Variants in DCAF6 observed in about 807,000 individuals in gnomAD.
DCAF6 encodes the protein DDB1 and CUL4 associated factor 6.
In DCAF6, 54 loss-of-function variants were observed where a neutral mutation model predicts 125.1. The observed-to-expected ratio is 0.43, with a 90% CI of 0.35 to 0.54. DCAF6 has a LOEUF of 0.54. DCAF6 is among the 20% of genes least tolerant of loss of function. The pLI, the probability that DCAF6 is intolerant of heterozygous loss-of-function variation, is 0.01. For synonymous variants in DCAF6, 371 were observed against 390.4 expected, an observed-to-expected ratio of 0.95 and a Z score of 0.58; for missense variants, 934 against 1,161.7, an observed-to-expected ratio of 0.80 and a Z score of 2.85.
intron 10 of DCAF6, among the ~76,000 whole-genome samples, chr1:168,007,131 T>C (rs1222500984): frequency 6.6e-6 from 1 of 152,226 alleles, no homozygotes; most frequent in Non-Finnish European, 1.5e-5. Context: ...GTACTCGTTT[T>C]CCTACTGTCA....
chr1:167,891,435 T>A, the DCAF6 span, among the ~76,000 whole-genome samples: 1 of 151,274 alleles, frequency 6.6e-6, no homozygotes, highest in African/African-American at 2.4e-5. Flanking sequence ...GGCGGGAAGA[T>A]CACGAGGTCA....
At chr1:167,933,132 G>A (rs2102560202), upstream of DCAF6, among the ~76,000 whole-genome samples, 1 of 150,712 alleles carries the variant, frequency 6.6e-6, no homozygotes, top group Non-Finnish European at 1.5e-5. Flanking sequence ...ATGCAATACT[G>A]TAACTAAAAT....
At chr1:167,960,153 C>T (rs1222060908) in intron 2 of DCAF6, among the ~76,000 whole-genome samples, 1 of 151,992 alleles carries the variant, frequency 6.6e-6, no homozygotes, top group Non-Finnish European at 1.5e-5. Context: ...GACTTTACTC[C>T]TTTGTCAAAG....
chr1:168,068,261 T>G (rs1692594285), intron 20 of DCAF6, 97 bp from the exon 21 acceptor site: 1 of 750,476 alleles, frequency 1.3e-6, no homozygotes, highest in Admixed American at 2.2e-5. Flanking sequence ...AAGTAATTCC[T>G]CCTGGTACTG....
chr1:167,999,464 A>G (rs1209550209), intron 7 of DCAF6, among the ~76,000 whole-genome samples: 1 of 152,162 alleles, frequency 6.6e-6, no homozygotes, highest in African/African-American at 2.4e-5. Context: ...TAGCTGTGAA[A>G]GTCCTAAATG....
At chr1:168,055,322 C>A in intron 17 of DCAF6, among the ~76,000 whole-genome samples, 1 of 42,364 alleles carries the variant, frequency 2.4e-5, no homozygotes. Context: ...TGAAAAAAAT[C>A]AGGCTTAAGT....
chr1:167,935,944 G>A, upstream of DCAF6: 1 of 872,590 alleles, frequency 1.1e-6, no homozygotes, highest in Non-Finnish European at 1.8e-6. Flanking sequence ...ACGACGACTC[G>A]CGTCCGCCTC....
chr1:168,072,328 A>T (rs976232038), intron 21 of DCAF6, among the ~76,000 whole-genome samples: 9 of 149,338 alleles, frequency 6.0e-5, no homozygotes, highest in Non-Finnish European at 1.3e-4. Flanking sequence ...AAAAAAAAGA[A>T]AAGAAAAGTC....
the DCAF6 span, chr1:167,880,273 T>C: frequency 7.9e-7 from 1 of 1,269,826 alleles, no homozygotes. Context: ...GGAAATAATG[T>C]CTGGGTTGGG....
At chr1:167,957,830 G>A (rs981170901) in intron 2 of DCAF6, among the ~76,000 whole-genome samples, 1 of 152,064 alleles carries the variant, frequency 6.6e-6, no homozygotes, top group Non-Finnish European at 1.5e-5. Flanking sequence ...AATCATCCTA[G>A]TGGATGTGAA....
intron 2 of DCAF6, among the ~76,000 whole-genome samples, chr1:167,964,976 T>G (rs920924815): frequency 6.6e-6 from 1 of 152,228 alleles, no homozygotes; most frequent in Non-Finnish European, 1.5e-5. Flanking sequence ...ACTCTTAGCA[T>G]GCTAATCATA....
the DCAF6 span, among the ~76,000 whole-genome samples, chr1:167,910,690 G>A: frequency 2.6e-3 from 395 of 152,328 alleles, no homozygotes; most frequent in Non-Finnish European, 4.8e-3. Flanking sequence ...TAAACAGTAT[G>A]TTCCGTAGGC....
intron 10 of DCAF6, among the ~76,000 whole-genome samples, chr1:168,008,158 T>TG (rs917218308): frequency 4.0e-4 from 60 of 151,814 alleles, no homozygotes; most frequent in African/African-American, 1.4e-3. Flanking sequence ...TTAGTAGAGA[T>TG]GGGGTTCCCC....
intron 16 of DCAF6, among the ~76,000 whole-genome samples, chr1:168,050,227 A>C (rs1243802170): frequency 3.9e-5 from 6 of 152,104 alleles, no homozygotes; most frequent in African/African-American, 7.2e-5. Flanking sequence ...TGTTATTTTC[A>C]TAGAAATTTG....
At chr1:167,867,378 G>C in the DCAF6 span, among the ~76,000 whole-genome samples, 1 of 152,142 alleles carries the variant, frequency 6.6e-6, no homozygotes, top group African/African-American at 2.4e-5. Context: ...ATTTGGACTT[G>C]TACAGTAAGG....
chr1:167,928,297 G>A, the DCAF6 span, among the ~76,000 whole-genome samples: 1 of 148,100 alleles, frequency 6.8e-6, no homozygotes, highest in Admixed American at 6.7e-5. Flanking sequence ...GCAGTGAGCC[G>A]AGATCGCACC....
intron 12 of DCAF6, among the ~76,000 whole-genome samples, chr1:168,035,801 G>T (rs1043281329): frequency 6.6e-6 from 1 of 152,092 alleles, no homozygotes; most frequent in African/African-American, 2.4e-5. Flanking sequence ...GGTGGCTCAT[G>T]CCTGTAATCC....
At chr1:167,925,119 T>C in the DCAF6 span, among the ~76,000 whole-genome samples, 2 of 152,098 alleles carry the variant, frequency 1.3e-5, no homozygotes, top group South Asian at 2.1e-4. Flanking sequence ...CAATTTAACA[T>C]AGTCCTTGAT....
At chr1:167,865,957 G>A in the DCAF6 span, among the ~76,000 whole-genome samples, 22 of 152,272 alleles carry the variant, frequency 1.4e-4, no homozygotes, top group African/African-American at 5.1e-4. Context: ...GTCAGCCCCC[G>A]AGGGCCATCC....
Sources: allele counts gnomAD v4.1 joint callset (sites outside exome capture counted in the v4.1 genomes callset), GRCh38; gene constraint gnomAD v4.1.1; transcripts MANE v1.5; gene names NCBI Gene and HGNC (gene_info 2026-07-23, HGNC 2026-07-21).